LMX1B: variants seen among roughly 807,000 people sequenced by gnomAD.
LMX1B encodes LIM homeobox transcription factor 1 beta.
Under a neutral mutation model 51.4 loss-of-function variants are expected in LMX1B, and 12 were observed. The observed-to-expected ratio is 0.23, with a 90% CI of 0.15 to 0.38. The LOEUF is 0.38. Among genes scored for constraint, LMX1B ranks in the 10% least tolerant of loss-of-function variants. The probability of loss-of-function intolerance (pLI) is 1.00; values close to 1 mark genes in which losing one functional copy is unlikely to be tolerated. For synonymous variants in LMX1B, 237 were observed against 235.4 expected, an observed-to-expected ratio of 1.01 and a Z score of -0.06; for missense variants, 445 against 571.1, an observed-to-expected ratio of 0.78 and a Z score of 2.25.
intron 2 of LMX1B, among the ~76,000 whole-genome samples, chr9:126,646,394 A>G (rs571169110): frequency 6.1e-5 from 9 of 148,706 alleles, no homozygotes; most frequent in African/African-American, 2.0e-4. Flanking sequence ...CTACCTGTCC[A>G]TCAATCTACC....
Position 126,677,187 on chromosome 9 carries a change from C to T in LMX1B, c.327-13649C>T, listed in dbSNP as rs947180446. On this transcript the variant is annotated intron_variant, in intron 2 of 7. Coordinates refer to ENST00000373474, the MANE Select transcript of LMX1B (RefSeq NM_001174147.2). This position sits in a 1 kb window ranked among gnomAD's most constrained non-coding sequence, Gnocchi z 5.0. ...CAGGAGACCCAGGGATGTGGTCCCC[C>T]AGATTCTCTTCTCCATCCCTGGGAG... Among the ~76,000 whole-genome samples the T allele has an allele frequency of 3.3e-5, 5 of 152,180 alleles. No homozygotes were observed. Among genetic ancestry groups the T allele is most frequent in the African/African-American group, 7.2e-5 (3 of 41,446 alleles).
chr9:126,653,673 A>G (rs1223317046), intron 2 of LMX1B, among the ~76,000 whole-genome samples: 2 of 152,024 alleles, frequency 1.3e-5, no homozygotes, highest in African/African-American at 4.8e-5. Flanking sequence ...CCAATTTATC[A>G]CATGCGAACG....
chr9:126,636,542 A>G (rs1835715185), intron 2 of LMX1B, among the ~76,000 whole-genome samples: 2 of 151,904 alleles, frequency 1.3e-5, no homozygotes, highest in Admixed American at 1.3e-4. Flanking sequence ...TGAGGTTACA[A>G]CATGCACTCT....
intron 2 of LMX1B, among the ~76,000 whole-genome samples, chr9:126,629,117 G>A (rs1288163646): frequency 6.6e-6 from 1 of 152,160 alleles, no homozygotes; most frequent in African/African-American, 2.4e-5. Flanking sequence ...AGCCCAGCAG[G>A]CTGGGTGCTT....
chr9:126,664,042 C>T (rs1836293164), intron 2 of LMX1B, among the ~76,000 whole-genome samples: 1 of 152,206 alleles, frequency 6.6e-6, no homozygotes, highest in Admixed American at 6.5e-5. Flanking sequence ...ACCCACGGAG[C>T]CCAAGTCTGA....
chr9:126,633,845 TG>T (rs1226857813), intron 2 of LMX1B, among the ~76,000 whole-genome samples: 1 of 152,160 alleles, frequency 6.6e-6, no homozygotes, highest in Admixed American at 6.5e-5. Flanking sequence ...CCTCATAGTC[TG>T]TGAGGCAGAG....
rs150656317 is a variant in LMX1B at position 126,693,840 on chromosome 9, G to A, written c.886+28G>A. Reference sequence around the variant, plus strand: ...GAGCCGGGGCCGGGGCAGGGCCTGGGCCAGGGTGAGCTGGGGCCGGGGCCA... The same window carrying A: ...GAGCCGGGGCCGGGGCAGGGCCTGGACCAGGGTGAGCTGGGGCCGGGGCCA... On this transcript the variant is annotated intron_variant, in intron 6 of 7. Coordinates refer to ENST00000373474, the MANE Select transcript of LMX1B (RefSeq NM_001174147.2). 4,738 of 1,066,628 alleles carry A rather than the reference G, an allele frequency of 4.4e-3. 27 individuals are homozygous for A. Among genetic ancestry groups the A allele is most frequent in the Middle Eastern group, 0.027 (96 of 3,594 alleles). 66.1% of individuals were successfully genotyped at this position (1,066,628 alleles called of 1,614,324 possible).
At chr9:126,675,731 A>T (rs1416079790) in intron 2 of LMX1B, among the ~76,000 whole-genome samples, 1 of 143,356 alleles carries the variant, frequency 7.0e-6, no homozygotes, top group East Asian at 2.0e-4. Context: ...CTCAAAAAAA[A>T]AATTAAAAAA....
In LMX1B at chr9:126,693,541, A is replaced by G; in HGVS notation, c.759A>G (p.Ala253=). The G allele has an allele frequency of 6.2e-7, 1 of 1,614,126 alleles. No individual in the cohort carries two copies. The highest frequency in any genetic ancestry group is 8.5e-7 in the Non-Finnish European group (1 of 1,180,002). The change falls in exon 5 of 8, where the codon GCA becomes GCG. Residue 253 remains alanine, a synonymous_variant. Coordinates refer to ENST00000373474, the MANE Select transcript of LMX1B (RefSeq NM_001174147.2). ...TGAGCCAGGTCCGAGAGACACTGGC[A>G]GCTGAGACGGGCCTCAGTGTGCGCG... ...KPCRKVRETL[A]AETGLSVRVV...
chr9:126,689,804 C>A (rs1255916877), intron 2 of LMX1B, among the ~76,000 whole-genome samples: 2 of 152,254 alleles, frequency 1.3e-5, no homozygotes, highest in African/African-American at 4.8e-5. Context: ...GCATTTACTA[C>A]CCATGCGACC....
chr9:126,691,171 C>A, intron 3 of LMX1B, 103 bp downstream of exon 3: 2 of 792,380 alleles, frequency 2.5e-6, no homozygotes, highest in South Asian at 1.6e-5. Context: ...CTTCCAGGAC[C>A]TGAGCTGCAC....
intron 2 of LMX1B, among the ~76,000 whole-genome samples, chr9:126,684,925 G>T (rs376954310): frequency 1.3e-5 from 2 of 152,194 alleles, no homozygotes; most frequent in South Asian, 2.1e-4. Flanking sequence ...TTGTTACCTG[G>T]TGGCAGTTTC....
At chr9:126,628,576 A>G (rs565154912) in intron 2 of LMX1B, among the ~76,000 whole-genome samples, 1 of 152,306 alleles carries the variant, frequency 6.6e-6, no homozygotes, top group African/African-American at 2.4e-5. Context: ...CTGCGAAACA[A>G]CACTTAACCG....
intron 2 of LMX1B, among the ~76,000 whole-genome samples, chr9:126,643,038 C>T (rs1391692456): frequency 6.6e-6 from 1 of 152,210 alleles, no homozygotes; most frequent in Non-Finnish European, 1.5e-5. Flanking sequence ...CTGGGAGGAG[C>T]TGAGGCTGCA....
Position 126,614,442 on chromosome 9 carries a change from C to G in LMX1B, c.-8C>G. The G allele has an allele frequency of 6.7e-7, 1 of 1,496,234 alleles. No individual in the cohort carries two copies. Among genetic ancestry groups the G allele is most frequent in the Non-Finnish European group, 8.9e-7 (1 of 1,121,410 alleles). 92.7% of individuals were successfully genotyped at this position (1,496,234 alleles called of 1,614,324 possible). ...GGCCGGCGGGGTCCGCAGCGCGCCC[C>G]GCGTCCCATGGATATAGCAACAGGT... On this transcript the variant is annotated 5_prime_UTR_variant, in exon 1 of 8. Coordinates refer to ENST00000373474, the MANE Select transcript of LMX1B (RefSeq NM_001174147.2).
At chr9:126,682,500 A>G (rs1836694377) in intron 2 of LMX1B, among the ~76,000 whole-genome samples, 1 of 152,312 alleles carries the variant, frequency 6.6e-6, no homozygotes, top group East Asian at 1.9e-4. Context: ...CTCCACGGGT[A>G]AGAAGGAACT....
Position 126,700,056 on chromosome 9 carries a change from C to T in LMX1B, c.*3605C>T, listed in dbSNP as rs1301201604. On this transcript the variant is annotated 3_prime_UTR_variant, in exon 8 of 8. Transcript: ENST00000373474. ...GGCTCAGAAAGAGGAAATAATTGCC[C>T]CAGGTAACACAGGGCAGAGGAGGGA... The T allele has an allele frequency of 6.6e-6, 1 of 152,202 alleles. No individual in the cohort carries two copies. The highest frequency in any genetic ancestry group is 2.4e-5 in the African/African-American group (1 of 41,430). 9.4% of individuals were successfully genotyped at this position (152,202 alleles called of 1,614,324 possible).
chr9:126,697,011 T>G lies in LMX1B; in HGVS notation c.*560T>G. On this transcript the variant is annotated 3_prime_UTR_variant, in exon 8 of 8. Coordinates refer to ENST00000373474, the MANE Select transcript of LMX1B (RefSeq NM_001174147.2). ...ACTGTCAGGAGGCGGGCTCGGAGCC[T>G]GAGCCTGGGCAGGCGCAAAGGGACA... The G allele has an allele frequency of 5.8e-6, 1 of 172,148 alleles. No individual in the cohort carries two copies. 10.7% of individuals were successfully genotyped at this position (172,148 alleles called of 1,614,324 possible).
intron 2 of LMX1B, among the ~76,000 whole-genome samples, chr9:126,624,955 T>C (rs528245573): frequency 6.6e-6 from 1 of 152,212 alleles, no homozygotes; most frequent in African/African-American, 2.4e-5. Flanking sequence ...ATTTCGCCGG[T>C]TTTATCTTCT....
Sources: gnomAD v4.1 joint callset for allele counts (sites outside exome capture counted in the v4.1 genomes callset) on GRCh38, gnomAD v4.1.1 for gene constraint, Gnocchi (gnomAD v3.1) non-coding constraint, MANE v1.5 for transcripts, NCBI Gene and HGNC (gene_info 2026-07-23, HGNC 2026-07-21) for gene names.